The following GPRIN3 variants were observed in gnomAD, a reference collection of about 807,000 sequenced individuals.
The protein encoded by GPRIN3 is GPRIN family member 3, also known as G protein-regulated inducer of neurite outgrowth 3.
A neutral mutation model predicts 13.7 loss-of-function variants in GPRIN3; 12 were observed. The observed-to-expected ratio is 0.87, with a 90% confidence interval of 0.56 to 1.42. The LOEUF is 1.42. Among genes scored for constraint, GPRIN3 ranks in the 40% most tolerant of loss-of-function variants. GPRIN3 has a pLI of 0.00. For missense variants in GPRIN3, 1,009 were observed against 958.7 expected (o/e 1.05, Z -0.69); for synonymous variants, 377 against 372.7 (o/e 1.01, Z -0.13).
intron 1 of GPRIN3, among the ~76,000 whole-genome samples, chr4:89,306,615 C>T (rs543102009): frequency 6.6e-6 from 1 of 152,264 alleles, no homozygotes; most frequent in South Asian, 2.1e-4. Context: ...AAGAAGACAC[C>T]TTACTCAAAG....
At chr4:89,291,194 T>G (rs776029115) in intron 1 of GPRIN3, among the ~76,000 whole-genome samples, 155 of 152,218 alleles carry the variant, frequency 1.0e-3, no homozygotes, top group Non-Finnish European at 6.9e-4. Context: ...CTTTAAGAAT[T>G]AACACAAGTC....
chr4:89,300,937 T>C (rs926952143), intron 1 of GPRIN3, among the ~76,000 whole-genome samples: 1 of 152,220 alleles, frequency 6.6e-6, no homozygotes, highest in Non-Finnish European at 1.5e-5. Context: ...ATTACAATTT[T>C]AGCTGCTTCA....
chr4:89,281,074 A>G (rs1724236710), intron 1 of GPRIN3, among the ~76,000 whole-genome samples: 1 of 151,844 alleles, frequency 6.6e-6, no homozygotes, highest in Admixed American at 6.6e-5. Context: ...GGATAAGCAC[A>G]TCACATAGCC....
chr4:89,273,791 G>A (rs547968443), intron 1 of GPRIN3, among the ~76,000 whole-genome samples: 11 of 152,250 alleles, frequency 7.2e-5, no homozygotes, highest in South Asian at 2.1e-4. Flanking sequence ...ATGACCTCAC[G>A]AACCTCCTGG....
At chr4:89,305,733 A>T (rs1725016157) in intron 1 of GPRIN3, among the ~76,000 whole-genome samples, 1 of 152,260 alleles carries the variant, frequency 6.6e-6, no homozygotes, top group African/African-American at 2.4e-5. Context: ...ATAATTAAGA[A>T]AATGTTGCAG....
intron 1 of GPRIN3, among the ~76,000 whole-genome samples, chr4:89,259,874 G>C (rs1163550448): frequency 6.6e-6 from 1 of 152,194 alleles, no homozygotes; most frequent in Non-Finnish European, 1.5e-5. Context: ...GCTCACATCA[G>C]ACACCACCAA....
In GPRIN3 at chr4:89,248,250, T is replaced by C; in HGVS notation, c.1861A>G (p.Lys621Glu). 1 of 1,614,176 alleles carries C rather than the reference T, an allele frequency of 6.2e-7. No homozygotes were observed. The highest frequency in any genetic ancestry group is 8.5e-7 in the Non-Finnish European group (1 of 1,180,030). The change falls in exon 2 of 2, where the codon AAG (lysine) becomes GAG (glutamate). Residue 621 changes from lysine (K) to glutamate (E), a missense_variant. Lys to Glu is a moderately conservative substitution (Grantham distance 56). Coordinates refer to ENST00000609438, the MANE Select transcript of GPRIN3 (RefSeq NM_198281.3). The part of the protein sequence containing the change: ...PMGDSSPGSG[K>E]KTPSRSVKAS... The stretch of plus-strand genomic sequence containing the variant: ...TTGACGGAGCGAGATGGGGTCTTCT[T>C]GCCAGAACCTGGGCTGGAGTCACCC...
intron 1 of GPRIN3, among the ~76,000 whole-genome samples, chr4:89,278,388 C>T (rs1034104586): frequency 6.6e-6 from 1 of 152,068 alleles, no homozygotes; most frequent in African/African-American, 2.4e-5. Flanking sequence ...GTTCATTTGC[C>T]ACAGCGATAA....
At chr4:89,302,351 C>G (rs1424079301) in intron 1 of GPRIN3, among the ~76,000 whole-genome samples, 3 of 152,146 alleles carry the variant, frequency 2.0e-5, no homozygotes, top group Non-Finnish European at 4.4e-5. Context: ...CAGTTATTAA[C>G]TTCCTTGGGA....
At chr4:89,291,252 A>G (rs769221119) in intron 1 of GPRIN3, among the ~76,000 whole-genome samples, 4 of 152,126 alleles carry the variant, frequency 2.6e-5, no homozygotes, top group Non-Finnish European at 4.4e-5. Flanking sequence ...CTGAGTTTCG[A>G]TAAATGCTTC....
intron 1 of GPRIN3, among the ~76,000 whole-genome samples, chr4:89,292,667 T>C (rs1236696799): frequency 6.6e-6 from 1 of 152,238 alleles, no homozygotes; most frequent in African/African-American, 2.4e-5. Context: ...TAGCCATTTA[T>C]TGATGGTTAT....
At chr4:89,260,829 C>A (rs1723602180) in intron 1 of GPRIN3, among the ~76,000 whole-genome samples, 2 of 152,138 alleles carry the variant, frequency 1.3e-5, no homozygotes, top group African/African-American at 4.8e-5. Flanking sequence ...ATAAAATAAT[C>A]CCTTAAATCA....
In GPRIN3 at chr4:89,249,997, A is replaced by T. The variant is rs146939178; in HGVS notation, c.114T>A (p.Ala38=). ...PQAASPRHRP[A]LLCKNANGFS... ...AGCCATTGGCATTCTTACACAGGAG[A>T]GCTGGTCGATGCCGAGGTGAGGCAG... is the stretch of plus-strand genomic sequence containing the variant. The change falls in exon 2 of 2, where the codon GCT becomes GCA. Residue 38 remains alanine (A), a synonymous_variant. Transcript: ENST00000609438. 1 of 1,614,172 alleles carries T rather than the reference A, an allele frequency of 6.2e-7. No individual in the cohort carries two copies. The highest frequency in any genetic ancestry group is 8.5e-7 in the Non-Finnish European group (1 of 1,180,010).
intron 1 of GPRIN3, among the ~76,000 whole-genome samples, chr4:89,287,991 A>G (rs77249823): frequency 6.6e-6 from 1 of 152,322 alleles, no homozygotes; most frequent in Non-Finnish European, 1.5e-5. Context: ...AATTCTTTTC[A>G]TCAATTTTCT....
At chr4:89,297,388 T>C (rs1292404718) in intron 1 of GPRIN3, among the ~76,000 whole-genome samples, 1 of 151,122 alleles carries the variant, frequency 6.6e-6, no homozygotes, top group Non-Finnish European at 1.5e-5. Context: ...AGTGTTTTTT[T>C]GTTTTGTTTT....
chr4:89,306,064 T>C (rs950377797), intron 1 of GPRIN3, among the ~76,000 whole-genome samples: 29 of 152,288 alleles, frequency 1.9e-4, no homozygotes, highest in African/African-American at 6.0e-4. Flanking sequence ...TGCTGTTTTT[T>C]TTTTCTCTTT....
intron 1 of GPRIN3, among the ~76,000 whole-genome samples, chr4:89,304,896 T>C (rs1263246041): frequency 6.6e-6 from 1 of 152,206 alleles, no homozygotes; most frequent in Non-Finnish European, 1.5e-5. Flanking sequence ...TGGTAGACAT[T>C]TGTAGATGAA....
intron 1 of GPRIN3, among the ~76,000 whole-genome samples, chr4:89,277,879 C>G (rs1453575468): frequency 6.6e-6 from 1 of 152,172 alleles, no homozygotes; most frequent in Non-Finnish European, 1.5e-5. Context: ...ACAGCCTGTT[C>G]GTTTTCTTCC....
intron 1 of GPRIN3, among the ~76,000 whole-genome samples, chr4:89,283,558 G>C (rs1724315147): frequency 6.6e-6 from 1 of 152,156 alleles, no homozygotes; most frequent in South Asian, 2.1e-4. Flanking sequence ...TAGTGGGGGA[G>C]GCAGAAACAT....
Sources: gnomAD v4.1 joint callset for allele counts (sites outside exome capture counted in the v4.1 genomes callset) on GRCh38, gnomAD v4.1.1 for gene constraint, MANE v1.5 for transcripts, NCBI Gene and HGNC (gene_info 2026-07-23, HGNC 2026-07-21) for gene names.